CWF19L2: variants seen among roughly 807,000 people sequenced by gnomAD.
CWF19L2 encodes CWF19 like cell cycle control factor 2.
A neutral mutation model predicts 111.7 loss-of-function variants in CWF19L2; 98 were observed. The observed-to-expected ratio is 0.88, with a 90% CI of 0.75 to 1.04. The LOEUF is 1.04. Ranked by LOEUF, CWF19L2 falls within the 50% of genes least tolerant of loss-of-function variation. The probability of loss-of-function intolerance (pLI) is 0.00; values close to 1 mark genes in which losing one functional copy is unlikely to be tolerated. For synonymous variants in CWF19L2, 351 were observed against 342.9 expected, an observed-to-expected ratio of 1.02 and a Z score of -0.26; for missense variants, 1,101 against 1,051.4, an observed-to-expected ratio of 1.05 and a Z score of -0.65.
Position 107,368,376 on chromosome 11 carries a change from A to C in CWF19L2, c.1873-14640T>G, listed in dbSNP as rs1860463222. On this transcript the variant is annotated intron_variant, in intron 12 of 17. Transcript: ENST00000282251. ...ATTCCTGGAAACATAAAACCTTCCA[A>C]GATTGAACGAACCACTGGCCTTTCT... Among the ~76,000 whole-genome samples, 2 of 137,640 alleles carry C rather than the reference A, an allele frequency of 1.5e-5. 1 individual carries two copies. Among genetic ancestry groups the C allele is most frequent in the African/African-American group, 5.8e-5 (2 of 34,490 alleles). 90.3% of individuals were successfully genotyped at this position (137,640 alleles called of 152,430 possible).
In CWF19L2 at chr11:107,396,143, A is replaced by G. The variant is rs1432931976; in HGVS notation, c.1618-3248T>C. Among the ~76,000 whole-genome samples the G allele has an allele frequency of 2.0e-5, 3 of 152,218 alleles. No homozygotes were observed. The East Asian group carries it at 5.8e-4, about 29-fold the overall frequency. ...GGCATTAAAATACGAGACAGAAATG[A>G]AAAGTTCACTCTACACAGAAAATAT... On this transcript the variant is annotated intron_variant, in intron 10 of 17. Transcript: ENST00000282251.
intron 14 of CWF19L2, among the ~76,000 whole-genome samples, chr11:107,342,917 A>G (rs1032172061): frequency 6.6e-6 from 1 of 152,208 alleles, no homozygotes; most frequent in Admixed American, 6.5e-5. Context: ...TGATGTAGCC[A>G]CAAGCCAAGA....
At chr11:107,359,861 C>T (rs757192544) in intron 12 of CWF19L2, among the ~76,000 whole-genome samples, 1 of 152,336 alleles carries the variant, frequency 6.6e-6, no homozygotes, top group Non-Finnish European at 1.5e-5. Context: ...TGACTCCTCA[C>T]TCCACTGAAT....
At chr11:107,395,217 G>A (rs181586880) in intron 10 of CWF19L2, among the ~76,000 whole-genome samples, 1 of 152,236 alleles carries the variant, frequency 6.6e-6, no homozygotes, top group East Asian at 1.9e-4. Flanking sequence ...TTTTAAAAAC[G>A]GGAATTTCTC....
At chr11:107,431,935 A>T (rs571656760) in intron 7 of CWF19L2, among the ~76,000 whole-genome samples, 2 of 152,162 alleles carry the variant, frequency 1.3e-5, no homozygotes, top group Non-Finnish European at 2.9e-5. Flanking sequence ...TACCATGCAC[A>T]AATATATATT....
chr11:107,384,855 T>G (rs749589481), intron 12 of CWF19L2, among the ~76,000 whole-genome samples: 3 of 152,262 alleles, frequency 2.0e-5, no homozygotes, highest in Admixed American at 1.3e-4. Context: ...CATAAAAAGT[T>G]TGCCAACCTC....
intron 8 of CWF19L2, among the ~76,000 whole-genome samples, chr11:107,426,038 G>T (rs1450049931): frequency 5.3e-5 from 8 of 151,488 alleles, no homozygotes; most frequent in South Asian, 2.1e-4. Context: ...TAACATAATC[G>T]CAGGGCCTAA....
intron 12 of CWF19L2, among the ~76,000 whole-genome samples, chr11:107,384,129 C>T (rs778437266): frequency 5.3e-5 from 8 of 152,166 alleles, no homozygotes; most frequent in Non-Finnish European, 1.0e-4. Context: ...TAAGCAGACT[C>T]TTGTTTTATA....
At chr11:107,350,040 A>T (rs1860135064) in intron 13 of CWF19L2, among the ~76,000 whole-genome samples, 1 of 152,206 alleles carries the variant, frequency 6.6e-6, no homozygotes, top group Admixed American at 6.6e-5. Flanking sequence ...AAAGCATTAT[A>T]AACATAAAAA....
At chr11:107,381,588 A>G (rs961364169) in intron 12 of CWF19L2, among the ~76,000 whole-genome samples, 1 of 152,172 alleles carries the variant, frequency 6.6e-6, no homozygotes, top group Non-Finnish European at 1.5e-5. Context: ...TTCACTGTGT[A>G]TCTATTAAAG....
chr11:107,435,936 A>T (rs915678879), intron 6 of CWF19L2, among the ~76,000 whole-genome samples: 1 of 152,086 alleles, frequency 6.6e-6, no homozygotes, highest in African/African-American at 2.4e-5. Flanking sequence ...TGGGCAGATC[A>T]GGAGGTCAAG....
At chr11:107,430,890 A>G (rs1861457084) in intron 7 of CWF19L2, among the ~76,000 whole-genome samples, 1 of 149,612 alleles carries the variant, frequency 6.7e-6, no homozygotes, top group Non-Finnish European at 1.5e-5. Flanking sequence ...AAAAAAAAGG[A>G]GAATAACTAC....
Position 107,396,822 on chromosome 11 carries a change from C to T in CWF19L2, c.1618-3927G>A, listed in dbSNP as rs114872309. ...AAGCAGACTGCTACTCCTGCAGGAC[C>T]CAGGAGACACCCCAAATACTGTGAG... On this transcript the variant is annotated intron_variant, in intron 10 of 17. Transcript: ENST00000282251. 6.4e-3 allele frequency among the ~76,000 whole-genome samples: 977 copies of T among 152,236 alleles called. 12 individuals carry two copies. The highest frequency in any genetic ancestry group is 0.022 in the African/African-American group (912 of 41,518).
chr11:107,350,888 C>T (rs746409685), intron 13 of CWF19L2, among the ~76,000 whole-genome samples: 2 of 152,032 alleles, frequency 1.3e-5, no homozygotes, highest in Non-Finnish European at 1.5e-5. Context: ...AAAGGAAAAG[C>T]ATGTGAGGAG....
Position 107,397,038 on chromosome 11 carries a change from C to T in CWF19L2, c.1618-4143G>A, listed in dbSNP as rs372648939. 2.1e-3 allele frequency among the ~76,000 whole-genome samples: 313 copies of T among 152,210 alleles called. 1 individual carries two copies. The highest frequency in any genetic ancestry group is 6.4e-3 in the African/African-American group (265 of 41,518). Reference sequence around the variant, plus strand: ...GATCTCGCTGGGTCCCCAAACAGCCCGTTCCTGCCTGGCACCACAGGGATC... The same window carrying T: ...GATCTCGCTGGGTCCCCAAACAGCCTGTTCCTGCCTGGCACCACAGGGATC... On this transcript the variant is annotated intron_variant, in intron 10 of 17. Transcript: ENST00000282251.
chr11:107,438,708 C>T (rs1246453773), intron 6 of CWF19L2, among the ~76,000 whole-genome samples: 2 of 152,144 alleles, frequency 1.3e-5, no homozygotes, highest in African/African-American at 2.4e-5. Context: ...TTTATCAATG[C>T]TTTCTCATAC....
At chr11:107,345,310 G>A in intron 14 of CWF19L2, 1 of 297,332 alleles carries the variant, frequency 3.4e-6, no homozygotes, top group East Asian at 9.2e-5. Context: ...CGTTAACAGA[G>A]TGGAACTATG....
chr11:107,361,704 T>C (rs1209562637), intron 12 of CWF19L2, among the ~76,000 whole-genome samples: 1 of 152,240 alleles, frequency 6.6e-6, no homozygotes. Flanking sequence ...CTTGGTTAAA[T>C]ATATTCCTAG....
chr11:107,408,721 T>C (rs898465291), intron 10 of CWF19L2, among the ~76,000 whole-genome samples: 3 of 151,938 alleles, frequency 2.0e-5, no homozygotes, highest in African/African-American at 4.8e-5. Flanking sequence ...GGTACATCCA[T>C]TGACCTTTTT....
Sources: allele counts gnomAD v4.1 joint callset (sites outside exome capture counted in the v4.1 genomes callset), GRCh38; gene constraint gnomAD v4.1.1; transcripts MANE v1.5; gene names NCBI Gene and HGNC (gene_info 2026-07-23, HGNC 2026-07-21).